The following GPR107 variants were observed in gnomAD, a reference collection of about 807,000 sequenced individuals.
The protein encoded by GPR107 is G protein-coupled receptor 107.
Under a neutral mutation model 75.5 loss-of-function variants are expected in GPR107, and 31 were observed. The observed-to-expected ratio is 0.41, with a 90% CI of 0.31 to 0.55. GPR107 has a LOEUF of 0.55. Ranked by LOEUF, GPR107 falls within the 20% of genes least tolerant of loss-of-function variation. The probability of loss-of-function intolerance (pLI) is 0.26; values close to 1 mark genes in which losing one functional copy is unlikely to be tolerated. For missense variants in GPR107, 572 were observed against 665.7 expected (o/e 0.86, Z 1.55); for synonymous variants, 267 against 251.3 (o/e 1.06, Z -0.59).
intron 16 of GPR107, among the ~76,000 whole-genome samples, chr9:130,128,147 G>C (rs540045805): frequency 5.3e-5 from 8 of 152,354 alleles, no homozygotes; most frequent in Middle Eastern, 3.4e-3. Context: ...GGTAGAGAAA[G>C]ATTTGCCCTG....
At chr9:130,090,816 G>T (rs1404707529) in intron 7 of GPR107, 60 bp from the exon 8 acceptor site, 18 of 622,782 alleles carry the variant, frequency 2.9e-5, no homozygotes, top group Non-Finnish European at 4.7e-5. Context: ...AAAAATAAAA[G>T]AAAAAATATA....
chr9:130,058,948 T>G (rs1361809787), intron 1 of GPR107, among the ~76,000 whole-genome samples: 1 of 152,178 alleles, frequency 6.6e-6, no homozygotes, highest in African/African-American at 2.4e-5. Context: ...GTTTGGCCAT[T>G]ATGAATGATG....
intron 1 of GPR107, among the ~76,000 whole-genome samples, chr9:130,056,111 T>C (rs1227381936): frequency 6.6e-6 from 1 of 151,872 alleles, no homozygotes; most frequent in East Asian, 1.9e-4. Context: ...TTTGAGAATC[T>C]GTTGAGAGCT....
intron 1 of GPR107, among the ~76,000 whole-genome samples, chr9:130,072,778 A>G (rs886132483): frequency 1.3e-5 from 2 of 152,168 alleles, no homozygotes; most frequent in Non-Finnish European, 2.9e-5. Context: ...AAAAAACAAA[A>G]CAACAAGAAA....
At position 130,079,895 on chromosome 9, in the gene GPR107, A is replaced by G. The variant is rs1830451430; in HGVS notation, c.526+126A>G. On this transcript the variant is annotated intron_variant, in intron 5 of 17. Transcript: ENST00000347136. ...CTTAGCATTATATTTTGGAAGTTAC[A>G]CAAAAATACGTAAATGTTAAAGAAA... The G allele has an allele frequency of 1.1e-5, 6 of 530,856 alleles. No individual in the cohort carries two copies. In the South Asian group the frequency reaches 2.2e-4, roughly 19 times the overall value. 32.9% of individuals were successfully genotyped at this position (530,856 alleles called of 1,614,324 possible). A position where few individuals can be genotyped will look rare whatever the true frequency, so the allele number is the denominator to read the frequency against.
At chr9:130,087,607 C>G (rs1261577829) in intron 7 of GPR107, among the ~76,000 whole-genome samples, 1 of 151,734 alleles carries the variant, frequency 6.6e-6, no homozygotes, top group Non-Finnish European at 1.5e-5. Context: ...TCAAGACTAT[C>G]CTGGGAAATG....
chr9:130,101,713 C>T (rs1438729924), intron 12 of GPR107, among the ~76,000 whole-genome samples: 2 of 152,232 alleles, frequency 1.3e-5, no homozygotes, highest in Non-Finnish European at 2.9e-5. Context: ...CCTTACAAGG[C>T]TGTGAGTCTT....
chr9:130,124,905 T>C lies in GPR107; in HGVS notation c.1307-10T>C. The C allele has an allele frequency of 6.5e-7, 1 of 1,537,364 alleles. No homozygotes were observed. The highest frequency in any genetic ancestry group is 8.9e-7 in the Non-Finnish European group (1 of 1,125,056). The stretch of plus-strand genomic sequence containing the variant: ...AACGAGCTCTTCATTTTGTTCTTTC[T>C]TCTCTCTAGCTGCTATTAACTTAGC... On this transcript the variant is annotated splice_polypyrimidine_tract_variant and intron_variant, in intron 14 of 17. Coordinates refer to ENST00000347136, the MANE Select transcript of GPR107 (RefSeq NM_020960.5).
chr9:130,096,715 C>T (rs1830882173), intron 9 of GPR107, among the ~76,000 whole-genome samples: 1 of 152,134 alleles, frequency 6.6e-6, no homozygotes, highest in Admixed American at 6.5e-5. Flanking sequence ...TGATCGGCCT[C>T]CCAAAGTGCT....
intron 16 of GPR107, 116 bp downstream of exon 16, chr9:130,127,682 T>C (rs1831720432): frequency 1.6e-6 from 1 of 626,292 alleles, no homozygotes; most frequent in Admixed American, 3.3e-5. Flanking sequence ...ACCTTCCATC[T>C]CTTCTTTTTT....
chr9:130,125,113 T>TC (rs869305689), intron 15 of GPR107, 149 bp downstream of exon 15: 10 of 509,740 alleles, frequency 2.0e-5, no homozygotes, highest in African/African-American at 1.0e-4. Flanking sequence ...TTTTTTTTTT[T>TC]CTGGAGACGA....
chr9:130,132,227 A>G (rs1554899179), intron 17 of GPR107, among the ~76,000 whole-genome samples: 2 of 152,072 alleles, frequency 1.3e-5, no homozygotes, highest in African/African-American at 4.8e-5. Flanking sequence ...GGGCTCTAGA[A>G]TCACCTGTAG....
At chr9:130,126,491 A>G (rs745507174) in intron 15 of GPR107, among the ~76,000 whole-genome samples, 11 of 151,918 alleles carry the variant, frequency 7.2e-5, no homozygotes, top group African/African-American at 1.9e-4. Flanking sequence ...GATTACAGTC[A>G]TGCGCCACCA....
At chr9:130,111,138 T>A (rs1831289572) in intron 14 of GPR107, among the ~76,000 whole-genome samples, 1 of 152,038 alleles carries the variant, frequency 6.6e-6, no homozygotes, top group South Asian at 2.1e-4. Flanking sequence ...ATTACAGGTG[T>A]GAGCCACTGC....
At chr9:130,115,482 A>G (rs1274522342) in intron 14 of GPR107, among the ~76,000 whole-genome samples, 1 of 151,104 alleles carries the variant, frequency 6.6e-6, no homozygotes, top group Non-Finnish European at 1.5e-5. Flanking sequence ...AAAAAAAAAT[A>G]GGCCAGGCAC....
At position 130,073,949 on chromosome 9, in the gene GPR107, G is replaced by A. The variant is rs1014272416; in HGVS notation, c.142-1687G>A. On this transcript the variant is annotated intron_variant, in intron 1 of 17. Transcript: ENST00000347136. The stretch of plus-strand genomic sequence containing the variant: ...TTTTTTGTATTTTTAGTAGAGACAG[G>A]GTTTCCCATTTTGGCCAGGCTGGTC... 2.0e-5 allele frequency among the ~76,000 whole-genome samples: 3 copies of A among 152,092 alleles called. No individual in the cohort carries two copies. The East Asian group carries it at 5.8e-4, about 29-fold the overall frequency.
rs536250309 is a variant in GPR107 at position 130,131,088 on chromosome 9, G to C, written c.1562+2327G>C. On this transcript the variant is annotated intron_variant, in intron 17 of 17. Transcript: ENST00000347136. ...GCGGTCGGATGTTGGCCCTTCAGCTGTTCGGTCCCTTAAGTGTTTGCACCA... is the reference window on the plus strand; with the variant it reads ...GCGGTCGGATGTTGGCCCTTCAGCTCTTCGGTCCCTTAAGTGTTTGCACCA... 2.0e-5 allele frequency among the ~76,000 whole-genome samples: 3 copies of C among 152,296 alleles called. No individual in the cohort carries two copies. The South Asian group carries it at 6.2e-4, about 32-fold the overall frequency.
chr9:130,076,114 C>T (rs1240029414), intron 2 of GPR107, among the ~76,000 whole-genome samples: 1 of 152,166 alleles, frequency 6.6e-6, no homozygotes, highest in Non-Finnish European at 1.5e-5. Flanking sequence ...GTGAGAGTCA[C>T]CTTCCAACCC....
At chr9:130,131,164 C>T (rs966685775) in intron 17 of GPR107, among the ~76,000 whole-genome samples, 9 of 152,274 alleles carry the variant, frequency 5.9e-5, no homozygotes, top group South Asian at 4.1e-4. Context: ...GCCCCACCGC[C>T]GTATGTTCCT....
Sources: allele counts gnomAD v4.1 joint callset (sites outside exome capture counted in the v4.1 genomes callset), GRCh38; gene constraint gnomAD v4.1.1; transcripts MANE v1.5; gene names NCBI Gene and HGNC (gene_info 2026-07-23, HGNC 2026-07-21).